Variants in ADAM9 observed in about 807,000 individuals in gnomAD.
ADAM9 encodes the protein ADAM metallopeptidase domain 9, also known as disintegrin and metalloproteinase domain-containing protein 9.
Under a neutral mutation model 108.1 loss-of-function variants are expected in ADAM9, and 54 were observed. The ratio of observed to expected loss-of-function variants is 0.50; its 90% CI spans 0.40 to 0.63. The LOEUF (loss-of-function observed/expected upper bound fraction) is 0.63, where lower values mean the gene tolerates loss of function less well. Among genes scored for constraint, ADAM9 ranks in the 20% least tolerant of loss-of-function variants. The pLI is 0.00. For missense variants in ADAM9, 830 were observed against 997.7 expected (o/e 0.83, Z 2.26); for synonymous variants, 316 against 336.0 (o/e 0.94, Z 0.65).
chr8:39,089,720 A>G (rs75056294), intron 18 of ADAM9: 9,316 of 344,594 alleles, frequency 0.027, 202 homozygotes, highest in Middle Eastern at 0.056. Context: ...AGATAAGTGG[A>G]AAAAAACTGA....
intron 7 of ADAM9, among the ~76,000 whole-genome samples, chr8:39,019,751 T>C (rs1836672787): frequency 6.6e-6 from 1 of 152,206 alleles, no homozygotes; most frequent in African/African-American, 2.4e-5. Context: ...TTGAGGTTTT[T>C]TTTGGTTTTA....
chr8:39,079,555 A>G (rs887462703), intron 16 of ADAM9, among the ~76,000 whole-genome samples: 2 of 151,838 alleles, frequency 1.3e-5, no homozygotes, highest in African/African-American at 4.8e-5. Flanking sequence ...TGTAAATATG[A>G]TCAACAATTT....
intron 12 of ADAM9, among the ~76,000 whole-genome samples, chr8:39,051,549 A>G (rs1187933684): frequency 6.6e-6 from 1 of 152,228 alleles, no homozygotes; most frequent in Non-Finnish European, 1.5e-5. Flanking sequence ...ATATTTGTGT[A>G]TATACACATG....
At chr8:39,090,612 T>C (rs991282781) in intron 19 of ADAM9, among the ~76,000 whole-genome samples, 1 of 152,258 alleles carries the variant, frequency 6.6e-6, no homozygotes, top group Non-Finnish European at 1.5e-5. Context: ...AAGCCACCTC[T>C]TTTAATGGGG....
intron 20 of ADAM9, among the ~76,000 whole-genome samples, chr8:39,093,267 A>C (rs1469233058): frequency 2.6e-5 from 4 of 152,016 alleles, no homozygotes; most frequent in Non-Finnish European, 5.9e-5. Flanking sequence ...TCCTTTCATC[A>C]ATGTTTCATA....
intron 18 of ADAM9, among the ~76,000 whole-genome samples, chr8:39,083,340 T>TTG (rs1437812537): frequency 6.6e-6 from 1 of 152,206 alleles, no homozygotes; most frequent in Non-Finnish European, 1.5e-5. Context: ...TACATTACAG[T>TTG]TTCAGTGTTT....
intron 12 of ADAM9, among the ~76,000 whole-genome samples, chr8:39,044,612 GCCCTCACTCTCCTCCTACCCTCTC>G: frequency 3.7e-5 from 1 of 27,218 alleles, no homozygotes; most frequent in Admixed American, 4.3e-4. Context: ...ACCCTCTCCA[GCCCTCACTCTCCTCCTACCCTCTC>G]CTCTTTTGGA....
chr8:39,063,553 C>G (rs891461689), intron 14 of ADAM9, among the ~76,000 whole-genome samples: 28 of 152,176 alleles, frequency 1.8e-4, no homozygotes, highest in Non-Finnish European at 3.2e-4. Context: ...GAAACCCTGT[C>G]TCCATTAAAA....
chr8:39,009,842 T>G (rs1302764961), intron 2 of ADAM9, among the ~76,000 whole-genome samples: 1 of 149,078 alleles, frequency 6.7e-6, no homozygotes, highest in Non-Finnish European at 1.5e-5. Flanking sequence ...GACAAAAATT[T>G]ATGCCCTTGC....
chr8:39,045,639 A>C (rs529450282), intron 12 of ADAM9, among the ~76,000 whole-genome samples: 1 of 151,786 alleles, frequency 6.6e-6, no homozygotes, highest in Non-Finnish European at 1.5e-5. Context: ...CATTAGTTTC[A>C]TGACTTTGGT....
At chr8:39,014,787 A>T in intron 4 of ADAM9, 1 of 450,582 alleles carries the variant, frequency 2.2e-6, no homozygotes, top group Non-Finnish European at 3.9e-6. Context: ...TTGGTAGCGC[A>T]CTTTTGCAGC....
intron 12 of ADAM9, among the ~76,000 whole-genome samples, chr8:39,047,018 G>A (rs181960645): frequency 1.9e-4 from 29 of 152,278 alleles, no homozygotes; most frequent in African/African-American, 6.3e-4. Context: ...GTCTGCCTGC[G>A]TAAGACGCCC....
chr8:39,040,309 A>G (rs1293187945), intron 11 of ADAM9, among the ~76,000 whole-genome samples: 1 of 152,138 alleles, frequency 6.6e-6, no homozygotes, highest in Non-Finnish European at 1.5e-5. Flanking sequence ...TCAGCCTCCC[A>G]AAGTGCTGGG....
intron 12 of ADAM9, among the ~76,000 whole-genome samples, chr8:39,053,512 T>G (rs1193223674): frequency 6.6e-6 from 1 of 152,200 alleles, no homozygotes; most frequent in African/African-American, 2.4e-5. Context: ...TAAAGTTCAT[T>G]TATTTTAAAA....
rs183779305 is a variant in ADAM9, at chr8:39,068,586, A to T, written c.1592-2712A>T. On this transcript the variant is annotated intron_variant, in intron 14 of 21. Coordinates refer to ENST00000487273, the MANE Select transcript of ADAM9 (RefSeq NM_003816.3). ...GCTACTCAGGAGGCTGAGGCAGGAGAATCGCTTGAACCAGGGAGGTGGAGG... is the reference window on the plus strand; with the variant it reads ...GCTACTCAGGAGGCTGAGGCAGGAGTATCGCTTGAACCAGGGAGGTGGAGG... 4.2e-3 allele frequency among the ~76,000 whole-genome samples: 610 copies of T among 145,920 alleles called. 5 individuals are homozygous for T. The highest frequency in any genetic ancestry group is 0.015 in the African/African-American group (591 of 40,032).
intron 14 of ADAM9, among the ~76,000 whole-genome samples, chr8:39,056,130 A>G (rs1838115526): frequency 6.6e-6 from 1 of 152,136 alleles, no homozygotes. Context: ...ATTATAGTAC[A>G]TTAAAGTATT....
chr8:39,042,987 C>A (rs1367211418), intron 12 of ADAM9, among the ~76,000 whole-genome samples: 1 of 152,118 alleles, frequency 6.6e-6, no homozygotes, highest in Non-Finnish European at 1.5e-5. Context: ...ATTTTAGATA[C>A]CTAATATAAG....
At chr8:39,048,998 G>GTTTTTTTT (rs34077661) in intron 12 of ADAM9, among the ~76,000 whole-genome samples, 1 of 121,472 alleles carries the variant, frequency 8.2e-6, no homozygotes, top group Non-Finnish European at 1.8e-5. Context: ...ATAGCATATA[G>GTTTTTTTT]TTTTTTTTTT....
At chr8:39,045,217 T>C (rs1369424669) in intron 12 of ADAM9, among the ~76,000 whole-genome samples, 1 of 130,786 alleles carries the variant, frequency 7.6e-6, no homozygotes, top group Non-Finnish European at 1.8e-5. Flanking sequence ...TGTGTATACA[T>C]ACATATATGT....
Sources: gnomAD v4.1 joint callset for allele counts (sites outside exome capture counted in the v4.1 genomes callset) on GRCh38, gnomAD v4.1.1 for gene constraint, MANE v1.5 for transcripts, NCBI Gene and HGNC (gene_info 2026-07-23, HGNC 2026-07-21) for gene names.